Variants in ZNF518B observed in about 807,000 individuals in gnomAD.
ZNF518B encodes zinc finger protein 518B.
Under a neutral mutation model 56.3 loss-of-function variants are expected in ZNF518B, and 23 were observed. That is an observed-to-expected ratio of 0.41 (90% CI 0.29 to 0.58). ZNF518B has a LOEUF of 0.58. Ranked by LOEUF, ZNF518B falls within the 20% of genes least tolerant of loss-of-function variation. The pLI is 0.32. For missense variants in ZNF518B, 1,460 were observed against 1,272.1 expected (o/e 1.15, Z -2.25); for synonymous variants, 529 against 465.9 (o/e 1.14, Z -1.74).
chr4:10,452,025 T>A (rs1214483162), intron 2 of ZNF518B: 1 of 152,218 alleles, frequency 6.6e-6, no homozygotes, highest in African/African-American at 2.4e-5. Context: ...AAGCTCAGTG[T>A]TAGTTGACTG....
chr4:10,457,421 G>A lies in ZNF518B; in HGVS notation c.-500C>T, dbSNP rs1033958620. 2.0e-5 allele frequency: 3 copies of A among 151,938 alleles called. No individual in the cohort carries two copies. The highest frequency in any genetic ancestry group is 6.6e-5 in the Admixed American group (1 of 15,264). 9.4% of individuals were successfully genotyped at this position (151,938 alleles called of 1,614,324 possible). ...GCTGTAGGTCCCTACCCGGGGGGCG[G>A]AGCCCGCGCCAGCCCCGCGCGTGCG... On this transcript the variant is annotated 5_prime_UTR_variant, in exon 1 of 3. Coordinates refer to ENST00000326756, the MANE Select transcript of ZNF518B (RefSeq NM_053042.3).
At chr4:10,460,322 AAC>A (rs1287183826), upstream of ZNF518B, among the ~76,000 whole-genome samples, 42 of 87,570 alleles carry the variant, frequency 4.8e-4, 5 homozygotes, top group Admixed American at 1.1e-3. Context: ...AAAAAAAAAA[AAC>A]CAAAAAAAAA....
intron 1 of ZNF518B, among the ~76,000 whole-genome samples, chr4:10,455,844 A>G (rs1452133823): frequency 1.3e-5 from 2 of 152,242 alleles, no homozygotes; most frequent in Non-Finnish European, 2.9e-5. Flanking sequence ...CTAGTTAAAG[A>G]TATCAATATC....
rs751373827 is a variant in ZNF518B, at chr4:10,445,552, T to C, written c.777A>G (p.Gln259=). The change falls in exon 3 of 3, where the codon CAA becomes CAG. Residue 259 remains glutamine, a synonymous_variant. Transcript: ENST00000326756. The part of the protein sequence containing the change: ...RTTFQNKWSD[Q]LSGFSLHANK... ...TTGCATGGAGAGAGAAACCTGACAGTTGGTCTGACCACTTATTTTGAAATG... is the reference window on the plus strand; with the variant it reads ...TTGCATGGAGAGAGAAACCTGACAGCTGGTCTGACCACTTATTTTGAAATG... The C allele has an allele frequency of 1.2e-6, 2 of 1,614,188 alleles. No homozygotes were observed. The highest frequency in any genetic ancestry group is 1.7e-5 in the Admixed American group (1 of 60,026).
At chr4:10,459,464 C>G (rs895681885), upstream of ZNF518B, among the ~76,000 whole-genome samples, 3 of 152,116 alleles carry the variant, frequency 2.0e-5, no homozygotes, top group Non-Finnish European at 4.4e-5. Flanking sequence ...ACTTCTGTCA[C>G]GAGTTGAATT....
chr4:10,442,204 A>T lies in ZNF518B; in HGVS notation c.*900T>A, dbSNP rs895282855. 2 of 152,260 alleles carry T rather than the reference A, an allele frequency of 1.3e-5. No individual in the cohort carries two copies. Among genetic ancestry groups the T allele is most frequent in the Non-Finnish European group, 2.9e-5 (2 of 68,048 alleles). 9.4% of individuals were successfully genotyped at this position (152,260 alleles called of 1,614,324 possible). On this transcript the variant is annotated 3_prime_UTR_variant, in exon 3 of 3. Coordinates refer to ENST00000326756, the MANE Select transcript of ZNF518B (RefSeq NM_053042.3). ...CTAAAGGGCATATGAAACCCTTTTC[A>T]CAACTTTATGAGCCTACCTTGAACT...
Position 10,445,294 on chromosome 4 carries a change from G to C in ZNF518B, c.1035C>G (p.Ala345=). 6.2e-7 allele frequency: 1 copy of C among 1,614,034 alleles called. No homozygotes were observed. The highest frequency in any genetic ancestry group is 1.3e-5 in the African/African-American group (1 of 75,028). The change falls in exon 3 of 3, where the codon GCC becomes GCG. Residue 345 remains alanine, a synonymous_variant. Coordinates refer to ENST00000326756, the MANE Select transcript of ZNF518B (RefSeq NM_053042.3). ...AELVVPANCL[A]QLIDVKVVNG... ...TGACAACCTTCACATCTATCAACTG[G>C]GCTAAACAGTTTGCAGGGACAACTA... is the stretch of plus-strand genomic sequence containing the variant.
rs1714708511 is a variant in ZNF518B at position 10,442,122 on chromosome 4, T to C, written c.*982A>G. ...GTCTAGTGTCCATGAATCAAAGGGA[T>C]CAAGAAGAGAGAAGACAGCATCCAC... On this transcript the variant is annotated 3_prime_UTR_variant, in exon 3 of 3. Transcript: ENST00000326756. 1.3e-5 allele frequency: 2 copies of C among 152,028 alleles called. No homozygotes were observed. The highest frequency in any genetic ancestry group is 4.8e-5 in the African/African-American group (2 of 41,366). The allele number at this position is 152,028 out of a possible 1,614,324, so 9.4% of individuals were successfully genotyped here.
At chr4:10,461,321 A>C (rs1182952117), upstream of ZNF518B, among the ~76,000 whole-genome samples, 2 of 152,152 alleles carry the variant, frequency 1.3e-5, no homozygotes, top group Non-Finnish European at 2.9e-5. Context: ...CCGCACACTC[A>C]GCTCGGCCGC....
rs371189802 is a variant in ZNF518B at position 10,445,830 on chromosome 4, A to G, written c.499T>C (p.Cys167Arg). The G allele has an allele frequency of 7.4e-6, 12 of 1,614,288 alleles. No homozygotes were observed. Among genetic ancestry groups the G allele is most frequent in the Non-Finnish European group, 8.5e-7 (1 of 1,180,050 alleles). The change falls in exon 3 of 3, where the codon TGC (cysteine) becomes CGC (arginine). Residue 167 changes from cysteine to arginine, a missense_variant. By Grantham distance (180) the Cys-to-Arg change is radical. Coordinates refer to ENST00000326756, the MANE Select transcript of ZNF518B (RefSeq NM_053042.3). ...HEEIKFICSH[C>R]SYISYTKGEF... is the part of the protein sequence containing the mutation. ...CCTTTCGTATACGAAATGTAGCTGC[A>G]GTGAGAACAAATGAATTTAATCTCC...
Position 10,457,412 on chromosome 4 carries a change from C to T in ZNF518B, c.-491G>A, listed in dbSNP as rs1394522588. On this transcript the variant is annotated 5_prime_UTR_variant, in exon 1 of 3. Coordinates refer to ENST00000326756, the MANE Select transcript of ZNF518B (RefSeq NM_053042.3). Reference sequence around the variant, plus strand: ...GCCGCGCCCGCTGTAGGTCCCTACCCGGGGGGCGGAGCCCGCGCCAGCCCC... The same window carrying T: ...GCCGCGCCCGCTGTAGGTCCCTACCTGGGGGGCGGAGCCCGCGCCAGCCCC... The T allele has an allele frequency of 1.3e-5, 2 of 151,864 alleles. No homozygotes were observed. Among genetic ancestry groups the T allele is most frequent in the Non-Finnish European group, 2.9e-5 (2 of 67,940 alleles). 9.4% of individuals were successfully genotyped at this position (151,864 alleles called of 1,614,324 possible).
Position 10,444,490 on chromosome 4 carries a change from A to T in ZNF518B, c.1839T>A (p.Asp613Glu). 2 of 1,614,184 alleles carry T rather than the reference A, an allele frequency of 1.2e-6. No individual in the cohort carries two copies. The highest frequency in any genetic ancestry group is 1.7e-6 in the Non-Finnish European group (2 of 1,180,034). ...CAGAATTCTTTAATTCCAAAGGCTT[A>T]TCCCCAGGCTGTTGAGATCTATCTT... ...TGEDRSQQPG[D>E]KPLELKNSER... The change falls in exon 3 of 3, where the codon GAT becomes GAA. Residue 613 changes from aspartate to glutamate, a missense_variant. Asp to Glu is a conservative substitution (Grantham distance 45, BLOSUM62 2). Coordinates refer to ENST00000326756, the MANE Select transcript of ZNF518B (RefSeq NM_053042.3).
rs1375766111 is a variant in ZNF518B at position 10,440,609 on chromosome 4, CTT to C, written c.*2493_*2494del. 1 of 152,504 alleles carries C rather than the reference CTT, an allele frequency of 6.6e-6. No homozygotes were observed. Among genetic ancestry groups the C allele is most frequent in the Non-Finnish European group, 1.5e-5 (1 of 68,028 alleles). The allele number at this position is 152,504 out of a possible 1,614,324, so 9.4% of individuals were successfully genotyped here. A position where few individuals can be genotyped will look rare whatever the true frequency, so the allele number is the denominator to read the frequency against. On this transcript the variant is annotated 3_prime_UTR_variant, in exon 3 of 3. Transcript: ENST00000326756. ...TTCCCATTTTTGACTTCCAGAAACA[CTT>C]TTAATTCCTTAAAAAGTATTCTAGT...
intron 1 of ZNF518B, among the ~76,000 whole-genome samples, chr4:10,456,863 T>C (rs1181538795): frequency 6.6e-6 from 1 of 151,956 alleles, no homozygotes; most frequent in African/African-American, 2.4e-5. Flanking sequence ...GGAGGAGGCA[T>C]CCTTCATAAC....
chr4:10,455,066 G>A (rs1715472410), intron 1 of ZNF518B, 78 bp from the exon 2 acceptor site: 1 of 152,188 alleles, frequency 6.6e-6, no homozygotes, highest in Non-Finnish European at 1.5e-5. Flanking sequence ...GAAGATAAGG[G>A]GAATGAGCCC....
intron 2 of ZNF518B, chr4:10,452,329 A>G (rs1281045146): frequency 6.6e-6 from 1 of 152,142 alleles, no homozygotes; most frequent in African/African-American, 2.4e-5. Flanking sequence ...TGCAAACTAG[A>G]TAATGTATGC....
In ZNF518B at chr4:10,441,958, T is replaced by G. The variant is rs1163417623; in HGVS notation, c.*1146A>C. On this transcript the variant is annotated 3_prime_UTR_variant, in exon 3 of 3. Transcript: ENST00000326756. ...GCAAAAACAGTGGGAGGTCTCCATT[T>G]TGTTGATTCCTGCCATTTTCTAGTA... 2.6e-5 allele frequency: 4 copies of G among 152,216 alleles called. No individual in the cohort carries two copies. Among genetic ancestry groups the G allele is most frequent in the Non-Finnish European group, 5.9e-5 (4 of 68,044 alleles). The allele number at this position is 152,216 out of a possible 1,614,324, so 9.4% of individuals were successfully genotyped here.
chr4:10,459,551 C>T (rs943689002), upstream of ZNF518B, among the ~76,000 whole-genome samples: 2 of 152,142 alleles, frequency 1.3e-5, no homozygotes, highest in Admixed American at 6.5e-5. Context: ...TTTGGAAACA[C>T]GGTCTTTACA....
rs149892893 is a variant in ZNF518B at position 10,445,846 on chromosome 4, T to C, written c.483A>G (p.Lys161=). 60 of 1,614,112 alleles carry C rather than the reference T, an allele frequency of 3.7e-5. 1 individual carries two copies. In the African/African-American group the frequency reaches 7.9e-4, roughly 21 times the overall value. ...TGTAGCTGCAGTGAGAACAAATGAA[T>C]TTAATCTCCTCGTGTTGAAGGGTGT... The part of the protein sequence containing the change: ...KKHTLQHEEI[K]FICSHCSYIS... Residue 161 remains lysine (K), a synonymous_variant, in exon 3 of 3, where the codon AAA becomes AAG. Transcript: ENST00000326756.
Sources: allele counts gnomAD v4.1 joint callset (sites outside exome capture counted in the v4.1 genomes callset), GRCh38; gene constraint gnomAD v4.1.1; transcripts MANE v1.5; gene names NCBI Gene and HGNC (gene_info 2026-07-23, HGNC 2026-07-21).